The following KCNT2 variants were observed in gnomAD, a reference collection of about 807,000 sequenced individuals.
KCNT2 encodes potassium sodium-activated channel subfamily T member 2.
KCNT2 carries 67 observed loss-of-function variants against 153.8 expected under a neutral mutation model. That is an observed-to-expected ratio of 0.44 (90% CI 0.36 to 0.53). The LOEUF (loss-of-function observed/expected upper bound fraction) is 0.53, where lower values mean the gene tolerates loss of function less well. Among genes scored for constraint, KCNT2 ranks in the 20% least tolerant of loss-of-function variants. KCNT2 has a pLI of 0.00. For synonymous variants in KCNT2, 500 were observed against 458.8 expected, an observed-to-expected ratio of 1.09 and a Z score of -1.15; for missense variants, 975 against 1,354.8, an observed-to-expected ratio of 0.72 and a Z score of 4.40.
intron 24 of KCNT2, among the ~76,000 whole-genome samples, chr1:196,281,838 G>A (rs1284582513): frequency 1.3e-5 from 2 of 151,196 alleles, no homozygotes; most frequent in Non-Finnish European, 2.9e-5. Flanking sequence ...CTCACTGCAA[G>A]CTCTGCCCCC....
intron 1 of KCNT2, among the ~76,000 whole-genome samples, chr1:196,602,624 T>C (rs1195089229): frequency 6.6e-6 from 1 of 152,168 alleles, no homozygotes; most frequent in Non-Finnish European, 1.5e-5. Flanking sequence ...ATTTTATTTA[T>C]AAGAATTGGT....
intron 22 of KCNT2, among the ~76,000 whole-genome samples, chr1:196,304,474 T>G (rs1172028082): frequency 6.6e-6 from 1 of 152,104 alleles, no homozygotes; most frequent in Non-Finnish European, 1.5e-5. Flanking sequence ...CTGTCTCAGC[T>G]TCCCAGGTCA....
intron 1 of KCNT2, among the ~76,000 whole-genome samples, chr1:196,596,673 T>C (rs1664123508): frequency 6.6e-6 from 1 of 152,228 alleles, no homozygotes; most frequent in African/African-American, 2.4e-5. Context: ...GCTATATTAA[T>C]AACCAAATTC....
At chr1:196,451,940 T>G (rs558066350) in intron 8 of KCNT2, among the ~76,000 whole-genome samples, 4 of 152,028 alleles carry the variant, frequency 2.6e-5, no homozygotes, top group African/African-American at 9.6e-5. Flanking sequence ...CCTTCTCCCC[T>G]CTCCTAGGTT....
At chr1:196,379,987 A>G (rs1032575511) in intron 13 of KCNT2, among the ~76,000 whole-genome samples, 7 of 152,352 alleles carry the variant, frequency 4.6e-5, no homozygotes, top group African/African-American at 1.4e-4. Flanking sequence ...TCAATAAACT[A>G]TCTTGAAACA....
intron 1 of KCNT2, among the ~76,000 whole-genome samples, chr1:196,594,049 A>G (rs1406393156): frequency 2.0e-5 from 3 of 151,980 alleles, no homozygotes; most frequent in Non-Finnish European, 4.4e-5. Flanking sequence ...CTGTATAACT[A>G]CCACTACCTA....
chr1:196,608,085 T>C (rs778225350), intron 1 of KCNT2, 130 bp downstream of exon 1: 2 of 772,924 alleles, frequency 2.6e-6, no homozygotes, highest in Non-Finnish European at 4.6e-6. Flanking sequence ...TCTCTTTTAC[T>C]CCCTCCCCCA....
At chr1:196,567,851 C>T (rs566344507) in intron 1 of KCNT2, among the ~76,000 whole-genome samples, 4 of 152,192 alleles carry the variant, frequency 2.6e-5, no homozygotes, top group South Asian at 2.1e-4. Context: ...GTACTGGAAC[C>T]TTTCTTTATC....
chr1:196,465,662 G>T (rs1677548494), intron 7 of KCNT2, among the ~76,000 whole-genome samples: 4 of 151,760 alleles, frequency 2.6e-5, no homozygotes, highest in Admixed American at 1.3e-4. Context: ...ATCTGAACAG[G>T]TGTTGCACTT....
chr1:196,232,564 G>C (rs1654046632), intron 27 of KCNT2, among the ~76,000 whole-genome samples: 1 of 151,498 alleles, frequency 6.6e-6, no homozygotes, highest in African/African-American at 2.4e-5. Flanking sequence ...CACAAATACA[G>C]ATCACTGCAA....
At chr1:196,425,707 C>T in intron 11 of KCNT2, 145 bp downstream of exon 11, 1 of 752,362 alleles carries the variant, frequency 1.3e-6, no homozygotes, top group East Asian at 2.6e-5. Context: ...TTAGTTTGGC[C>T]AGCAGAGGGA....
At chr1:196,483,633 C>T (rs1679187169) in intron 3 of KCNT2, among the ~76,000 whole-genome samples, 1 of 152,166 alleles carries the variant, frequency 6.6e-6, no homozygotes, top group Non-Finnish European at 1.5e-5. Flanking sequence ...GCTCAACCCT[C>T]TGTGTTTCAG....
intron 8 of KCNT2, among the ~76,000 whole-genome samples, chr1:196,452,540 C>G (rs1400609782): frequency 6.6e-6 from 1 of 151,950 alleles, no homozygotes; most frequent in African/African-American, 2.4e-5. Flanking sequence ...TCCATATCAG[C>G]TTTTTACGGC....
At chr1:196,547,199 A>T (rs1307707007) in intron 1 of KCNT2, among the ~76,000 whole-genome samples, 2 of 151,982 alleles carry the variant, frequency 1.3e-5, no homozygotes, top group African/African-American at 2.4e-5. Flanking sequence ...AGTGTGTCAA[A>T]ATTAAAAACT....
At chr1:196,304,737 T>C (rs1472131989) in intron 22 of KCNT2, among the ~76,000 whole-genome samples, 1 of 152,150 alleles carries the variant, frequency 6.6e-6, no homozygotes, top group Non-Finnish European at 1.5e-5. Flanking sequence ...CTCTTCCCAA[T>C]CCCAGTCAAG....
intron 18 of KCNT2, among the ~76,000 whole-genome samples, chr1:196,329,950 C>CATATAT (rs71154737): frequency 0.011 from 807 of 73,478 alleles, 13 homozygotes; most frequent in African/African-American, 0.02. Flanking sequence ...TTCCTCAAGA[C>CATATAT]ATATATATAT....
chr1:196,349,241 C>T (rs192461438), intron 14 of KCNT2, among the ~76,000 whole-genome samples: 74 of 152,154 alleles, frequency 4.9e-4, no homozygotes, highest in Admixed American at 1.4e-3. Flanking sequence ...TTACAAATTC[C>T]GTGACTTTGT....
At chr1:196,232,344 A>G (rs534939653) in intron 27 of KCNT2, among the ~76,000 whole-genome samples, 10 of 151,936 alleles carry the variant, frequency 6.6e-5, no homozygotes, top group Non-Finnish European at 1.0e-4. Flanking sequence ...TTAGAAAAAC[A>G]TAAAAGATAA....
chr1:196,546,404 C>A (rs1365459330), intron 1 of KCNT2, among the ~76,000 whole-genome samples: 2 of 152,138 alleles, frequency 1.3e-5, no homozygotes, highest in East Asian at 1.9e-4. Context: ...CTCTTCTTAT[C>A]TTTGCAGCAT....
Sources: gnomAD v4.1 joint callset for allele counts (sites outside exome capture counted in the v4.1 genomes callset) on GRCh38, gnomAD v4.1.1 for gene constraint, MANE v1.5 for transcripts, NCBI Gene and HGNC (gene_info 2026-07-23, HGNC 2026-07-21) for gene names.